The following RNLS variants were observed in gnomAD, a reference collection of about 807,000 sequenced individuals.
The protein encoded by RNLS is renalase.
RNLS carries 39 observed loss-of-function variants against 39.8 expected under a neutral mutation model. The observed-to-expected ratio is 0.98, with a 90% CI of 0.76 to 1.28. The LOEUF is 1.28. RNLS is among the 50% of genes most tolerant of loss of function. The probability of loss-of-function intolerance (pLI) is 0.00; values close to 1 mark genes in which losing one functional copy is unlikely to be tolerated. For synonymous variants in RNLS, 147 were observed against 150.7 expected (o/e 0.98, Z 0.18); for missense variants, 410 against 413.3 (o/e 0.99, Z 0.07).
intron 6 of RNLS, among the ~76,000 whole-genome samples, chr10:88,294,030 A>T (rs1301674173): frequency 4.6e-5 from 7 of 152,210 alleles, no homozygotes; most frequent in African/African-American, 7.2e-5. Context: ...CCATGGTTAA[A>T]TATTTAGGTA....
downstream of RNLS, among the ~76,000 whole-genome samples, chr10:88,281,459 C>T (rs1326594950): frequency 6.6e-6 from 1 of 152,126 alleles, no homozygotes; most frequent in African/African-American, 2.4e-5. Flanking sequence ...ACTCTGTCTC[C>T]CACTCCAGGG....
chr10:88,422,599 G>A (rs1854471649), intron 4 of RNLS, among the ~76,000 whole-genome samples: 1 of 152,046 alleles, frequency 6.6e-6, no homozygotes, highest in Non-Finnish European at 1.5e-5. Flanking sequence ...CAGAACCTTT[G>A]GTTCAAAAGT....
At position 88,396,742 on chromosome 10, in the gene RNLS, A is replaced by G. The variant is rs141229725; in HGVS notation, c.527-34017T>C. Among the ~76,000 whole-genome samples, 200 of 150,940 alleles carry G rather than the reference A, an allele frequency of 1.3e-3. 1 individual carries two copies. The highest frequency in any genetic ancestry group is 4.5e-3 in the African/African-American group (185 of 41,418). ...AACCTGATCCAACTCTATGCTCTCT[A>G]TAAGAGGTGCACTTTAGATCCTAGG... On this transcript the variant is annotated intron_variant, in intron 4 of 6. Coordinates refer to ENST00000331772, the MANE Select transcript of RNLS (RefSeq NM_001031709.3).
intron 4 of RNLS, among the ~76,000 whole-genome samples, chr10:88,528,134 C>T (rs1417175533): frequency 6.6e-6 from 1 of 151,396 alleles, no homozygotes; most frequent in African/African-American, 2.4e-5. Context: ...CACAGGGCTA[C>T]AAAATTTCAG....
At chr10:88,580,044 A>T (rs1767953647) in intron 3 of RNLS, among the ~76,000 whole-genome samples, 1 of 152,158 alleles carries the variant, frequency 6.6e-6, no homozygotes, top group African/African-American at 2.4e-5. Context: ...GAACTGAAAC[A>T]TTGGCTCTTC....
intron 4 of RNLS, among the ~76,000 whole-genome samples, chr10:88,482,227 C>T (rs1273672776): frequency 6.6e-6 from 1 of 152,128 alleles, no homozygotes; most frequent in Non-Finnish European, 1.5e-5. Flanking sequence ...TACTTCATCA[C>T]ACTTTGTTTT....
chr10:88,244,333 C>T, the RNLS span, among the ~76,000 whole-genome samples: 5 of 152,160 alleles, frequency 3.3e-5, no homozygotes, highest in African/African-American at 4.8e-5. Flanking sequence ...TCTTGTCAGC[C>T]GATGGTGTGA....
the RNLS span, among the ~76,000 whole-genome samples, chr10:88,243,994 C>T: frequency 6.6e-6 from 1 of 152,238 alleles, no homozygotes; most frequent in African/African-American, 2.4e-5. Flanking sequence ...AACCCCAGGA[C>T]TGATAACGCC....
intron 4 of RNLS, among the ~76,000 whole-genome samples, chr10:88,408,798 A>G (rs1853462466): frequency 6.6e-6 from 1 of 152,118 alleles, no homozygotes; most frequent in African/African-American, 2.4e-5. Flanking sequence ...TTCTTAAATA[A>G]TATGTTGAGA....
intron 6 of RNLS, among the ~76,000 whole-genome samples, chr10:88,293,427 A>G (rs1429128202): frequency 6.6e-6 from 1 of 152,204 alleles, no homozygotes; most frequent in Non-Finnish European, 1.5e-5. Flanking sequence ...TATCTATGCA[A>G]AGCACAAAGG....
intron 5 of RNLS, among the ~76,000 whole-genome samples, chr10:88,328,387 G>A (rs1589564611): frequency 1.3e-5 from 2 of 152,168 alleles, no homozygotes; most frequent in South Asian, 4.1e-4. Flanking sequence ...TCTAAGTTAG[G>A]TTAATAGTTT....
chr10:88,582,331 G>T, intron 1 of RNLS, 24 bp from the exon 2 acceptor site: 1 of 1,580,036 alleles, frequency 6.3e-7, no homozygotes, highest in South Asian at 1.1e-5. Context: ...ACAGGAAAAT[G>T]TCTTACTGCA....
chr10:88,582,720 A>T (rs1440886193), intron 1 of RNLS, among the ~76,000 whole-genome samples: 2 of 152,210 alleles, frequency 1.3e-5, no homozygotes, highest in African/African-American at 4.8e-5. Flanking sequence ...AGACAGACCA[A>T]GACAAAAAAT....
chr10:88,206,376 A>C, the RNLS span, among the ~76,000 whole-genome samples: 25 of 152,184 alleles, frequency 1.6e-4, no homozygotes, highest in Non-Finnish European at 3.2e-4. Flanking sequence ...TGACTACACA[A>C]AAATATATTT....
rs1425248592 is a variant in RNLS, at chr10:88,524,988, TATATATATATAC to T, written c.526+47903_526+47914del. On this transcript the variant is annotated intron_variant, in intron 4 of 6. Transcript: ENST00000331772. ...ATATATATATATATATATATATATA[TATATATATATAC>T]ACACACACACATACTATGTACCCAC... Among the ~76,000 whole-genome samples the T allele has an allele frequency of 8.6e-4, 116 of 134,156 alleles. 2 individuals carry two copies. The highest frequency in any genetic ancestry group is 3.6e-3 in the South Asian group (15 of 4,180). 88.0% of individuals were successfully genotyped at this position (134,156 alleles called of 152,430 possible). A position where few individuals can be genotyped will look rare whatever the true frequency, so the allele number is the denominator to read the frequency against.
chr10:88,225,058 A>G, the RNLS span, among the ~76,000 whole-genome samples: 2 of 152,222 alleles, frequency 1.3e-5, no homozygotes, highest in Non-Finnish European at 2.9e-5. Context: ...TGGTGTATCA[A>G]TGAAATGATA....
intron 4 of RNLS, among the ~76,000 whole-genome samples, chr10:88,436,353 A>G (rs963244354): frequency 1.3e-5 from 2 of 152,136 alleles, no homozygotes; most frequent in Non-Finnish European, 2.9e-5. Context: ...CTATCCTACA[A>G]AGATCCATAT....
chr10:88,506,485 A>G (rs1845801778), intron 4 of RNLS, among the ~76,000 whole-genome samples: 2 of 152,084 alleles, frequency 1.3e-5, no homozygotes, highest in African/African-American at 4.8e-5. Context: ...ATGTCTTAAT[A>G]TCTACAACTT....
At chr10:88,477,912 A>T (rs941345520) in intron 4 of RNLS, among the ~76,000 whole-genome samples, 5 of 152,230 alleles carry the variant, frequency 3.3e-5, no homozygotes, top group African/African-American at 9.6e-5. Flanking sequence ...ATGCAATACT[A>T]GCTGGAGGTT....
Sources: gnomAD v4.1 joint callset for allele counts (sites outside exome capture counted in the v4.1 genomes callset) on GRCh38, gnomAD v4.1.1 for gene constraint, MANE v1.5 for transcripts, NCBI Gene and HGNC (gene_info 2026-07-23, HGNC 2026-07-21) for gene names.